Variants in PSMC6 observed in about 807,000 individuals in gnomAD.
PSMC6 encodes 26S proteasome regulatory subunit 10B.
In PSMC6, 3 loss-of-function variants were observed where a neutral mutation model predicts 55.9. That is an observed-to-expected ratio of 0.05 (90% CI 0.02 to 0.14). PSMC6 has a LOEUF of 0.14. PSMC6 is among the 10% of genes least tolerant of loss of function. The probability of loss-of-function intolerance (pLI) is 1.00; values close to 1 mark genes in which losing one functional copy is unlikely to be tolerated. For synonymous variants in PSMC6, 137 were observed against 155.9 expected, an observed-to-expected ratio of 0.88 and a Z score of 0.90; for missense variants, 210 against 478.7, an observed-to-expected ratio of 0.44 and a Z score of 5.24.
At position 52,718,990 on chromosome 14, in the gene PSMC6, T is replaced by C. The variant is rs2041860687; in HGVS notation, c.729T>C (p.Phe243=). 6.2e-7 allele frequency: 1 copy of C among 1,612,424 alleles called. No individual in the cohort carries two copies. The highest frequency in any genetic ancestry group is 1.7e-5 in the Admixed American group (1 of 59,988). The change falls in exon 10 of 14, where the codon TTT becomes TTC. Residue 243 remains phenylalanine (F), a synonymous_variant. Coordinates refer to ENST00000445930, the MANE Select transcript of PSMC6 (RefSeq NM_002806.5). ...CTACTATCTTAGGTGGTCGTCGGTT[T>C]TCTGAGGGTACTTCAGCTGACAGAG... The part of the protein sequence containing the change: ...DEIDAIGGRR[F]SEGTSADREI...
At chr14:52,710,947 A>T (rs755883952) in intron 4 of PSMC6, 154 bp from the exon 5 acceptor site, 7 of 595,664 alleles carry the variant, frequency 1.2e-5, no homozygotes, top group Admixed American at 3.2e-5. Flanking sequence ...TACTTATTTT[A>T]TAAGCCATTT....
Position 52,720,976 on chromosome 14 carries a change from A to G in PSMC6, c.893A>G (p.Lys298Arg), listed in dbSNP as rs2041884423. 5.0e-6 allele frequency: 8 copies of G among 1,612,902 alleles called. No homozygotes were observed. Among genetic ancestry groups the G allele is most frequent in the South Asian group, 3.3e-5 (3 of 90,880 alleles). ...ALLRPGRLDR[K>R]IHIDLPNEQA... ...CTGCGTCCAGGAAGATTAGATAGAAAAATACGTGAGTTAAGATTCTTTACC... is the reference window on the plus strand; with the variant it reads ...CTGCGTCCAGGAAGATTAGATAGAAGAATACGTGAGTTAAGATTCTTTACC... The change falls in exon 11 of 14, where the codon AAA becomes AGA. Residue 298 changes from lysine to arginine, a missense_variant. This residue lies in a region of PSMC6 where 79 missense variants were observed against 158.7 expected (regional missense o/e 0.50). Transcript: ENST00000445930.
Position 52,708,403 on chromosome 14 carries a change from T to C in PSMC6, c.165+15T>C, listed in dbSNP as rs2041728234. On this transcript the variant is annotated intron_variant, in intron 2 of 13. Transcript: ENST00000445930. ...GTGTTGGGCAGGTAGGTGATGGAGT[T>C]TGGGGAATAGGGGGTGATGGTAATT... 1 of 1,612,642 alleles carries C rather than the reference T, an allele frequency of 6.2e-7. No homozygotes were observed. Among genetic ancestry groups the C allele is most frequent in the African/African-American group, 1.3e-5 (1 of 74,872 alleles).
intron 10 of PSMC6, 134 bp from the exon 11 acceptor site, chr14:52,720,727 T>C (rs894811150): frequency 6.7e-5 from 46 of 688,944 alleles, no homozygotes; most frequent in Non-Finnish European, 9.4e-5. Context: ...AAGAATTCTA[T>C]CAAATGACCA....
At chr14:52,719,324 G>A (rs1304334766) in intron 10 of PSMC6, among the ~76,000 whole-genome samples, 1 of 152,000 alleles carries the variant, frequency 6.6e-6, no homozygotes. Flanking sequence ...GTGATCTTGC[G>A]GTAGTTTTAT....
At chr14:52,712,788 T>C (rs2041788240) in intron 6 of PSMC6, among the ~76,000 whole-genome samples, 1 of 152,090 alleles carries the variant, frequency 6.6e-6, no homozygotes, top group Non-Finnish European at 1.5e-5. Flanking sequence ...GACTAATTTT[T>C]TTATTTTTTG....
intron 13 of PSMC6, among the ~76,000 whole-genome samples, chr14:52,725,446 C>T (rs1337798203): frequency 1.3e-5 from 2 of 152,124 alleles, no homozygotes; most frequent in Non-Finnish European, 2.9e-5. Context: ...TAACATTTTT[C>T]GTAAGTTAAA....
chr14:52,711,060 T>A, intron 4 of PSMC6, 41 bp from the exon 5 acceptor site: 1 of 1,281,448 alleles, frequency 7.8e-7, no homozygotes, highest in Non-Finnish European at 1.1e-6. Flanking sequence ...GTTATTCCGT[T>A]TTTAAGTGTT....
At chr14:52,711,332 G>A in intron 5 of PSMC6, 78 bp from the exon 6 acceptor site, 1 of 1,349,284 alleles carries the variant, frequency 7.4e-7, no homozygotes, top group Non-Finnish European at 1.0e-6. Flanking sequence ...GCTTGCTTGA[G>A]CAAGTTATTT....
Position 52,707,234 on chromosome 14 carries a change from A to G in PSMC6, c.15A>G (p.Arg5=). MADP[R]DKALQDYRKK... ...GGCTTCTCATCATGGCGGACCCTAGAGATAAGGCGCTTCAGGACTACCGCA... is the reference window on the plus strand; with the variant it reads ...GGCTTCTCATCATGGCGGACCCTAGGGATAAGGCGCTTCAGGACTACCGCA... The change falls in exon 1 of 14, where the codon AGA becomes AGG. Residue 5 remains arginine (R), a synonymous_variant. Coordinates refer to ENST00000445930, the MANE Select transcript of PSMC6 (RefSeq NM_002806.5). The G allele has an allele frequency of 6.2e-7, 1 of 1,613,864 alleles. No homozygotes were observed. The highest frequency in any genetic ancestry group is 8.5e-7 in the Non-Finnish European group (1 of 1,179,934).
chr14:52,707,937 A>G (rs763343425), intron 1 of PSMC6, among the ~76,000 whole-genome samples: 6 of 152,220 alleles, frequency 3.9e-5, no homozygotes, highest in African/African-American at 1.4e-4. Flanking sequence ...TATTTAGGGT[A>G]GAATGTCAGA....
chr14:52,724,443 A>G (rs1880324183), intron 13 of PSMC6, among the ~76,000 whole-genome samples: 1 of 152,188 alleles, frequency 6.6e-6, no homozygotes, highest in Non-Finnish European at 1.5e-5. Flanking sequence ...CATGTAATAG[A>G]ACACTGGCCC....
intron 3 of PSMC6, 50 bp from the exon 4 acceptor site, chr14:52,708,714 T>G: frequency 6.2e-7 from 1 of 1,608,470 alleles, no homozygotes; most frequent in Non-Finnish European, 8.5e-7. Flanking sequence ...TGGGTATGTA[T>G]TTTTTTACTT....
chr14:52,721,211 A>G (rs774890520), intron 12 of PSMC6, 21 bp downstream of exon 12: 7 of 1,500,696 alleles, frequency 4.7e-6, no homozygotes, highest in Non-Finnish European at 1.8e-6. Context: ...CATCTATTTT[A>G]TATGTATTTA....
intron 3 of PSMC6, 90 bp downstream of exon 3, chr14:52,708,612 C>CAG (rs113460170): frequency 1.7e-5 from 26 of 1,520,860 alleles, no homozygotes; most frequent in African/African-American, 4.2e-5. Flanking sequence ...GACAATAATG[C>CAG]AGAGAGAGAG....
intron 7 of PSMC6, 23 bp downstream of exon 7, chr14:52,713,991 TC>T: frequency 7.7e-7 from 1 of 1,305,008 alleles, no homozygotes; most frequent in South Asian, 1.3e-5. Context: ...TTATTTCTAC[TC>T]CACCAATAAG....
chr14:52,718,603 T>C (rs1490587076), intron 9 of PSMC6: 11 of 421,408 alleles, frequency 2.6e-5, no homozygotes, highest in Non-Finnish European at 4.8e-5. Flanking sequence ...CTGGCCAACA[T>C]GGTGAAACCC....
intron 6 of PSMC6, among the ~76,000 whole-genome samples, chr14:52,712,687 G>A (rs1248026371): frequency 1.3e-5 from 2 of 151,858 alleles, no homozygotes; most frequent in African/African-American, 4.8e-5. Flanking sequence ...CAGTGGTGCA[G>A]TCTCAGCTCA....
At chr14:52,708,737 T>C in intron 3 of PSMC6, 27 bp from the exon 4 acceptor site, 1 of 1,610,814 alleles carries the variant, frequency 6.2e-7, no homozygotes, top group South Asian at 1.1e-5. Context: ...TATTTTTCAA[T>C]TAGTTCTTTT....
Sources: gnomAD v4.1 joint callset for allele counts (sites outside exome capture counted in the v4.1 genomes callset) on GRCh38, gnomAD v4.1.1 for gene constraint, gnomAD v4.1.1 regional missense constraint, MANE v1.5 for transcripts, NCBI Gene and HGNC (gene_info 2026-07-23, HGNC 2026-07-21) for gene names.